Variants in DRC11 observed in about 807,000 individuals in gnomAD.
DRC11 encodes the protein dynein regulatory complex subunit 11.
At chr2:236,412,284 T>C in the DRC11 span, among the ~76,000 whole-genome samples, 1 of 152,218 alleles carries the variant, frequency 6.6e-6, no homozygotes, top group Non-Finnish European at 1.5e-5. Context: ...GAAGACTATA[T>C]AGGAAGTTCA....
the DRC11 span, among the ~76,000 whole-genome samples, chr2:236,489,134 G>A: frequency 1.4e-5 from 2 of 141,444 alleles, no homozygotes; most frequent in Admixed American, 7.0e-5. Context: ...GGTGCATGCT[G>A]GGGCCTTTAT....
chr2:236,364,006 A>G, the DRC11 span: 2 of 1,590,524 alleles, frequency 1.3e-6, no homozygotes, highest in Non-Finnish European at 1.7e-6. Flanking sequence ...CAAAGGTGCT[A>G]ATGTTCTGCC....
chr2:236,338,733 T>C, the DRC11 span, among the ~76,000 whole-genome samples: 1 of 152,148 alleles, frequency 6.6e-6, no homozygotes, highest in African/African-American at 2.4e-5. Context: ...TTTTCCTAAG[T>C]TGTTTGGAAG....
chr2:236,367,054 A>G, the DRC11 span, among the ~76,000 whole-genome samples: 1 of 146,240 alleles, frequency 6.8e-6, no homozygotes, highest in Non-Finnish European at 1.5e-5. The surrounding 1 kb of genome is among the most constrained non-coding windows in gnomAD (Gnocchi z 4.8). Context: ...ACTCGACCTC[A>G]GGTGATCTGC....
the DRC11 span, chr2:236,368,322 G>A: frequency 1.5e-5 from 22 of 1,447,282 alleles, no homozygotes; most frequent in Admixed American, 7.5e-5. Context: ...AAGAAACAGA[G>A]GAACAATAAA....
At chr2:236,346,175 G>A in the DRC11 span, among the ~76,000 whole-genome samples, 1 of 152,156 alleles carries the variant, frequency 6.6e-6, no homozygotes, top group South Asian at 2.1e-4. Flanking sequence ...AATTTTAATC[G>A]TGATCCCTGA....
the DRC11 span, among the ~76,000 whole-genome samples, chr2:236,476,598 T>C: frequency 1.3e-5 from 2 of 152,356 alleles, no homozygotes; most frequent in Admixed American, 6.5e-5. This position sits in a 1 kb window ranked among gnomAD's most constrained non-coding sequence, Gnocchi z 4.7. Flanking sequence ...TCCAGTATTA[T>C]GTTGAATAAA....
the DRC11 span, among the ~76,000 whole-genome samples, chr2:236,356,672 A>G: frequency 1.3e-5 from 2 of 151,986 alleles, no homozygotes; most frequent in East Asian, 3.9e-4. Context: ...AAATATGTGT[A>G]AAACGCCTTA....
At chr2:236,400,944 C>A in the DRC11 span, among the ~76,000 whole-genome samples, 3 of 152,214 alleles carry the variant, frequency 2.0e-5, no homozygotes, top group African/African-American at 7.2e-5. The surrounding 1 kb of genome is among the most constrained non-coding windows in gnomAD (Gnocchi z 7.9). Context: ...GTCCCACTGC[C>A]CTGGCCCCTT....
At chr2:236,485,379 G>A in the DRC11 span, among the ~76,000 whole-genome samples, 28,408 of 151,910 alleles carry the variant, frequency 0.19, 2,962 homozygotes, top group Middle Eastern at 0.27. Context: ...TGTTATTAGC[G>A]TTTTCAAAGA....
the DRC11 span, among the ~76,000 whole-genome samples, chr2:236,481,385 C>T: frequency 2.0e-5 from 3 of 152,066 alleles, no homozygotes; most frequent in Admixed American, 6.6e-5. Flanking sequence ...CATGAGGTGC[C>T]TGGCAGATTG....
the DRC11 span, among the ~76,000 whole-genome samples, chr2:236,371,999 T>G: frequency 6.6e-6 from 1 of 152,214 alleles, no homozygotes; most frequent in Non-Finnish European, 1.5e-5. This position sits in a 1 kb window ranked among gnomAD's most constrained non-coding sequence, Gnocchi z 5.1. Context: ...TGAGTCAATA[T>G]TCTCAGATAG....
At chr2:236,363,587 G>A in the DRC11 span, among the ~76,000 whole-genome samples, 8 of 152,204 alleles carry the variant, frequency 5.3e-5, no homozygotes, top group African/African-American at 1.9e-4. This position sits in a 1 kb window ranked among gnomAD's most constrained non-coding sequence, Gnocchi z 5.6. Flanking sequence ...ACAGTAGGGT[G>A]CTTACGGAAA....
chr2:236,472,911 G>T, the DRC11 span, among the ~76,000 whole-genome samples: 1 of 152,258 alleles, frequency 6.6e-6, no homozygotes, highest in Admixed American at 6.5e-5. The surrounding 1 kb of genome is among the most constrained non-coding windows in gnomAD (Gnocchi z 4.6). Context: ...TCAATGCAGG[G>T]GAGCAGGCCT....
chr2:236,439,923 A>G, the DRC11 span, among the ~76,000 whole-genome samples: 1 of 152,230 alleles, frequency 6.6e-6, no homozygotes, highest in South Asian at 2.1e-4. Flanking sequence ...AAAACTAAAT[A>G]AATATTGAGC....
the DRC11 span, chr2:236,454,830 C>T: frequency 1.3e-5 from 2 of 152,224 alleles, no homozygotes; most frequent in African/African-American, 4.8e-5. This position sits in a 1 kb window ranked among gnomAD's most constrained non-coding sequence, Gnocchi z 5.3. Flanking sequence ...AGTCTTTACT[C>T]ACCCAGATTG....
chr2:236,346,266 A>G, the DRC11 span, among the ~76,000 whole-genome samples: 1 of 152,212 alleles, frequency 6.6e-6, no homozygotes, highest in African/African-American at 2.4e-5. Flanking sequence ...GCCCAGCATC[A>G]CACATGGTCA....
chr2:236,465,237 G>C, the DRC11 span, among the ~76,000 whole-genome samples: 1 of 152,158 alleles, frequency 6.6e-6, no homozygotes, highest in African/African-American at 2.4e-5. This position sits in a 1 kb window ranked among gnomAD's most constrained non-coding sequence, Gnocchi z 6.2. Context: ...CTTTTGGACA[G>C]ACCTGGCCTG....
the DRC11 span, among the ~76,000 whole-genome samples, chr2:236,459,604 TATACGTATATAA>T: frequency 4.0e-4 from 54 of 134,422 alleles, no homozygotes; most frequent in South Asian, 6.7e-4. Context: ...CGTATACATA[TATACGTATATAA>T]GTATATACAT....
Sources: gnomAD v4.1 joint callset for allele counts (sites outside exome capture counted in the v4.1 genomes callset) on GRCh38, gnomAD v4.1.1 for gene constraint, Gnocchi (gnomAD v3.1) non-coding constraint, MANE v1.5 for transcripts, NCBI Gene and HGNC (gene_info 2026-07-23, HGNC 2026-07-21) for gene names.